WDR64: variants seen among roughly 807,000 people sequenced by gnomAD.
The protein encoded by WDR64 is WD repeat-containing protein 64.
A neutral mutation model predicts 139.3 loss-of-function variants in WDR64; 112 were observed. The ratio of observed to expected loss-of-function variants is 0.80; its 90% confidence interval spans 0.69 to 0.94. The LOEUF is 0.94. Ranked by LOEUF, WDR64 falls within the 40% of genes least tolerant of loss-of-function variation. The pLI, the probability that WDR64 is intolerant of heterozygous loss-of-function variation, is 0.00. For synonymous variants in WDR64, 444 were observed against 437.7 expected, an observed-to-expected ratio of 1.01 and a Z score of -0.18; for missense variants, 1,206 against 1,293.1, an observed-to-expected ratio of 0.93 and a Z score of 1.03.
intron 10 of WDR64, among the ~76,000 whole-genome samples, chr1:241,737,087 G>T (rs1260548118): frequency 3.3e-5 from 5 of 152,096 alleles, no homozygotes; most frequent in Non-Finnish European, 5.9e-5. Flanking sequence ...CTATGCTCTG[G>T]ATTGAAATTC....
At chr1:241,730,430 C>A (rs1558495394) in intron 10 of WDR64, among the ~76,000 whole-genome samples, 9 of 152,140 alleles carry the variant, frequency 5.9e-5, no homozygotes. Context: ...GGGACTCTTT[C>A]CTTTGTAATT....
intron 19 of WDR64, among the ~76,000 whole-genome samples, chr1:241,771,941 C>CATATATAT (rs1359575397): frequency 1.2e-3 from 34 of 28,928 alleles, no homozygotes; most frequent in South Asian, 1.6e-3. Context: ...TACATACATA[C>CATATATAT]ATACATATAT....
rs535715613 is a variant in WDR64 at position 241,691,771 on chromosome 1, T to TG, written c.974+4182dup. ...GCTCATGCCTGTAATCCCAGCACTTTGGGGGGCCAAGGCGGGCAGATCACC... is the reference window on the plus strand; with the variant it reads ...GCTCATGCCTGTAATCCCAGCACTTTGGGGGGGCCAAGGCGGGCAGATCACC... On this transcript the variant is annotated intron_variant, in intron 8 of 27. Coordinates refer to ENST00000437684, the MANE Select transcript of WDR64 (RefSeq NM_001367482.1). Among the ~76,000 whole-genome samples, 610 of 152,298 alleles carry TG rather than the reference T, an allele frequency of 4.0e-3. 5 individuals are homozygous for TG. The highest frequency in any genetic ancestry group is 0.014 in the African/African-American group (581 of 41,576).
chr1:241,674,609 G>A (rs1387160295), intron 3 of WDR64, 35 bp from the exon 4 acceptor site: 3 of 1,399,932 alleles, frequency 2.1e-6, no homozygotes, highest in Non-Finnish European at 9.8e-7. Flanking sequence ...CACCTTTACT[G>A]CTGAAAGTTG....
Position 241,723,567 on chromosome 1 carries a change from T to C in WDR64, c.1194+131T>C, listed in dbSNP as rs1668690305. On this transcript the variant is annotated intron_variant, in intron 10 of 27. Transcript: ENST00000437684. ...GAATCATTGAGAAAAATATTGTCAG[T>C]ATGGAAAAGGAAATGATAAGCCAAT... The C allele has an allele frequency of 5.7e-6, 6 of 1,046,012 alleles. No homozygotes were observed. In the South Asian group the frequency reaches 9.3e-5, roughly 16 times the overall value. The allele number at this position is 1,046,012 out of a possible 1,614,324, so 64.8% of individuals were successfully genotyped here.
chr1:241,758,505 C>A (rs764491451), intron 15 of WDR64, among the ~76,000 whole-genome samples: 7 of 152,140 alleles, frequency 4.6e-5, no homozygotes, highest in Non-Finnish European at 8.8e-5. Context: ...TGATGATTTG[C>A]TCCTTATATT....
chr1:241,744,835 C>A (rs1309391912), intron 13 of WDR64, among the ~76,000 whole-genome samples: 1 of 152,300 alleles, frequency 6.6e-6, no homozygotes, highest in East Asian at 1.9e-4. Context: ...CTTTTGGGTA[C>A]CATCAGCCAA....
At chr1:241,743,387 C>T (rs566225818) in intron 12 of WDR64, among the ~76,000 whole-genome samples, 74 of 152,226 alleles carry the variant, frequency 4.9e-4, no homozygotes, top group African/African-American at 1.7e-3. Flanking sequence ...GTTAAAAGTA[C>T]GGACTCTAGG....
chr1:241,780,981 T>C (rs374802304), intron 22 of WDR64, among the ~76,000 whole-genome samples: 20 of 152,192 alleles, frequency 1.3e-4, no homozygotes, highest in African/African-American at 4.8e-4. Flanking sequence ...CCAGTAACTA[T>C]AAATTGCTTG....
intron 23 of WDR64, among the ~76,000 whole-genome samples, chr1:241,786,449 T>A (rs1659038983): frequency 6.6e-6 from 1 of 152,226 alleles, no homozygotes; most frequent in Admixed American, 6.5e-5. Flanking sequence ...ACACTCCTGC[T>A]AATAATACTC....
intron 13 of WDR64, among the ~76,000 whole-genome samples, chr1:241,748,235 G>A (rs1391025626): frequency 6.6e-6 from 1 of 152,188 alleles, no homozygotes; most frequent in African/African-American, 2.4e-5. Flanking sequence ...CCTCTTGAGG[G>A]GAGATAGGAA....
intron 23 of WDR64, among the ~76,000 whole-genome samples, chr1:241,786,500 T>A (rs1489168387): frequency 6.6e-6 from 1 of 152,230 alleles, no homozygotes; most frequent in Non-Finnish European, 1.5e-5. Context: ...GAGGGACCTC[T>A]TGGAGTGAAG....
intron 16 of WDR64, among the ~76,000 whole-genome samples, chr1:241,768,845 C>T (rs1331189169): frequency 6.6e-6 from 1 of 152,178 alleles, no homozygotes; most frequent in African/African-American, 2.4e-5. Context: ...ACTGGAGCAG[C>T]AAGAGCAGGG....
intron 8 of WDR64, among the ~76,000 whole-genome samples, chr1:241,704,341 G>A (rs563964796): frequency 5.3e-5 from 8 of 152,310 alleles, no homozygotes; most frequent in South Asian, 2.1e-4. Context: ...AAGTGCTATC[G>A]AAATGCTGGT....
At chr1:241,726,616 T>C (rs966035716) in intron 10 of WDR64, among the ~76,000 whole-genome samples, 1 of 152,174 alleles carries the variant, frequency 6.6e-6, no homozygotes, top group Admixed American at 6.5e-5. Flanking sequence ...TATCCTCATA[T>C]ACAATAGAAA....
At chr1:241,720,977 TGTAAGAAA>T (rs1668586827) in intron 9 of WDR64, among the ~76,000 whole-genome samples, 1 of 152,176 alleles carries the variant, frequency 6.6e-6, no homozygotes, top group Non-Finnish European at 1.5e-5. Flanking sequence ...TTGTATAAGG[TGTAAGAAA>T]AGAGACCAAT....
rs377126815 is a variant in WDR64 at position 241,703,115 on chromosome 1, G to A, written c.975-8687G>A. ...CTCTTATATCATAAAGGAGAAAAGAGAAATGCCTTATTCCTTGTTTCCTGC... is the reference window on the plus strand; with the variant it reads ...CTCTTATATCATAAAGGAGAAAAGAAAAATGCCTTATTCCTTGTTTCCTGC... On this transcript the variant is annotated intron_variant, in intron 8 of 27. Transcript: ENST00000437684. The surrounding 1 kb of genome is among the most constrained non-coding windows in gnomAD (Gnocchi z 5.9). Among the ~76,000 whole-genome samples, 189 of 152,294 alleles carry A rather than the reference G, an allele frequency of 1.2e-3. No individual in the cohort carries two copies. The highest frequency in any genetic ancestry group is 4.3e-3 in the African/African-American group (177 of 41,562).
At chr1:241,772,330 GAA>G (rs35285628) in intron 19 of WDR64, among the ~76,000 whole-genome samples, 4 of 128,824 alleles carry the variant, frequency 3.1e-5, no homozygotes, top group Non-Finnish European at 6.4e-5. Context: ...TTCTCTGGGT[GAA>G]AAAAAAAAAA....
intron 13 of WDR64, among the ~76,000 whole-genome samples, chr1:241,744,791 A>C (rs557162337): frequency 6.6e-5 from 10 of 152,330 alleles, no homozygotes; most frequent in Middle Eastern, 3.4e-3. Flanking sequence ...CATCTCATCT[A>C]ATCTGTGTTG....
Sources: gnomAD v4.1 joint callset for allele counts (sites outside exome capture counted in the v4.1 genomes callset) on GRCh38, gnomAD v4.1.1 for gene constraint, Gnocchi (gnomAD v3.1) non-coding constraint, MANE v1.5 for transcripts, NCBI Gene and HGNC (gene_info 2026-07-23, HGNC 2026-07-21) for gene names.